CADM1: variants seen among roughly 807,000 people sequenced by gnomAD.
The protein encoded by CADM1 is TSLC-1.
CADM1 carries 15 observed loss-of-function variants against 53.1 expected under a neutral mutation model. The observed-to-expected ratio is 0.28, with a 90% confidence interval of 0.19 to 0.44. The LOEUF is 0.44. CADM1 is among the 20% of genes least tolerant of loss of function. The pLI is 1.00. For synonymous variants in CADM1, 281 were observed against 243.0 expected, an observed-to-expected ratio of 1.16 and a Z score of -1.45; for missense variants, 434 against 611.3, an observed-to-expected ratio of 0.71 and a Z score of 3.06.
At chr11:115,398,381 C>T (rs1317633491) in intron 1 of CADM1, among the ~76,000 whole-genome samples, 1 of 152,188 alleles carries the variant, frequency 6.6e-6, no homozygotes, top group Non-Finnish European at 1.5e-5. Flanking sequence ...CCTTATGCCA[C>T]TGGATTAGAG....
intron 3 of CADM1, among the ~76,000 whole-genome samples, chr11:115,236,753 A>T (rs971056964): frequency 6.6e-6 from 1 of 152,168 alleles, no homozygotes; most frequent in African/African-American, 2.4e-5. Flanking sequence ...AAAAAAAAAA[A>T]TTTAAAACAA....
chr11:115,421,065 T>A (rs1176927122), intron 1 of CADM1, among the ~76,000 whole-genome samples: 1 of 152,198 alleles, frequency 6.6e-6, no homozygotes, highest in East Asian at 1.9e-4. Flanking sequence ...AAAATTTAAC[T>A]TAATGTTAAA....
intron 1 of CADM1, among the ~76,000 whole-genome samples, chr11:115,435,451 G>C (rs1292822778): frequency 6.6e-6 from 1 of 152,030 alleles, no homozygotes; most frequent in Admixed American, 6.6e-5. Flanking sequence ...GTTGTATTGG[G>C]GCTGGGCGTG....
intron 1 of CADM1, among the ~76,000 whole-genome samples, chr11:115,310,721 A>C (rs1482533014): frequency 2.0e-5 from 3 of 152,182 alleles, no homozygotes; most frequent in Non-Finnish European, 4.4e-5. Flanking sequence ...TATCTGATAC[A>C]TGGCCTCCAG....
chr11:115,312,867 T>C (rs1318701069), intron 1 of CADM1, among the ~76,000 whole-genome samples: 2 of 152,148 alleles, frequency 1.3e-5, no homozygotes, highest in East Asian at 1.9e-4. Context: ...TGTCCAAAGA[T>C]TTTGATATAT....
chr11:115,324,412 G>A (rs923162147), intron 1 of CADM1, among the ~76,000 whole-genome samples: 1 of 152,100 alleles, frequency 6.6e-6, no homozygotes, highest in Non-Finnish European at 1.5e-5. Context: ...AACAAAAGAA[G>A]GCAAAATTGT....
intron 1 of CADM1, among the ~76,000 whole-genome samples, chr11:115,452,155 GTGGGGTGGGGGGGTGGGGGGGC>G (rs1948588203): frequency 2.8e-4 from 1 of 3,544 alleles, no homozygotes; most frequent in African/African-American, 2.4e-3. Flanking sequence ...GGGTGGGGTG[GTGGGGTGGGGGGGTGGGGGGGC>G]TGGGAATCAT....
At chr11:115,187,906 TAGG>T (rs1162727429) in intron 10 of CADM1, among the ~76,000 whole-genome samples, 1 of 152,218 alleles carries the variant, frequency 6.6e-6, no homozygotes, top group East Asian at 1.9e-4. Flanking sequence ...GGACATGTTG[TAGG>T]AGTTTTCCAG....
intron 9 of CADM1, among the ~76,000 whole-genome samples, chr11:115,196,595 TAAAAAAAAAA>T (rs61694033): frequency 1.3e-5 from 1 of 76,892 alleles, no homozygotes; most frequent in Non-Finnish European, 2.3e-5. Context: ...GCTGATGAAC[TAAAAAAAAAA>T]AAAAAAAAAA....
intron 8 of CADM1, among the ~76,000 whole-genome samples, chr11:115,206,302 G>T (rs914838760): frequency 6.6e-6 from 1 of 152,168 alleles, no homozygotes; most frequent in Non-Finnish European, 1.5e-5. Context: ...TTTCTCCCTA[G>T]ATAAGGCCAC....
At chr11:115,362,670 G>C (rs982050755) in intron 1 of CADM1, among the ~76,000 whole-genome samples, 2 of 152,086 alleles carry the variant, frequency 1.3e-5, no homozygotes, top group African/African-American at 4.8e-5. Flanking sequence ...GGCAGAGACA[G>C]ATGGCCTAAG....
chr11:115,234,166 T>A (rs1941928217), intron 3 of CADM1, among the ~76,000 whole-genome samples: 1 of 152,200 alleles, frequency 6.6e-6, no homozygotes, highest in African/African-American at 2.4e-5. Flanking sequence ...AAACCCCTTG[T>A]CTCTGTTTAC....
chr11:115,299,556 G>A (rs1178190782), intron 1 of CADM1, among the ~76,000 whole-genome samples: 5 of 152,110 alleles, frequency 3.3e-5, no homozygotes, highest in Non-Finnish European at 1.5e-5. Context: ...TGTTTAAAAG[G>A]TATGTCCTGT....
chr11:115,218,208 T>C, intron 5 of CADM1: 1 of 548,808 alleles, frequency 1.8e-6, no homozygotes, highest in Non-Finnish European at 3.3e-6. Context: ...AAGAGATTCA[T>C]AAGCCAACTG....
chr11:115,383,015 C>T (rs1159618245), intron 1 of CADM1, among the ~76,000 whole-genome samples: 1 of 152,224 alleles, frequency 6.6e-6, no homozygotes. Flanking sequence ...GCTAGCCCTT[C>T]TTAAAACTCT....
At chr11:115,314,906 T>C (rs565615533) in intron 1 of CADM1, among the ~76,000 whole-genome samples, 1 of 152,198 alleles carries the variant, frequency 6.6e-6, no homozygotes, top group Non-Finnish European at 1.5e-5. Context: ...GAACAAATGG[T>C]CACTTTCAGC....
intron 1 of CADM1, among the ~76,000 whole-genome samples, chr11:115,271,774 C>G (rs2135049432): frequency 6.6e-6 from 1 of 152,298 alleles, no homozygotes; most frequent in African/African-American, 2.4e-5. Flanking sequence ...TTCACTGGTA[C>G]TATTCTTGGC....
At chr11:115,296,792 G>A (rs1299242451) in intron 1 of CADM1, among the ~76,000 whole-genome samples, 2 of 152,080 alleles carry the variant, frequency 1.3e-5, no homozygotes, top group African/African-American at 4.8e-5. Flanking sequence ...TTTTCTTATA[G>A]AAATCAATGT....
rs767544816 is a variant in CADM1, at chr11:115,240,306, T to C, written c.239A>G (p.Asn80Ser). Residue 80 changes from asparagine to serine, a missense_variant, in exon 2 of 12, where the codon AAC becomes AGC. By Grantham distance (46) the Asn-to-Ser change is conservative (BLOSUM62 1). Transcript: ENST00000331581. ...DDSVIQLLNP[N>S]RQTIYFRDFR... Reference sequence around the variant, plus strand: ...GTCCCTGAAATAAATGGTCTGCCTGTTGGGATTCAGTAGCTGAATCACAGA... The same window carrying C: ...GTCCCTGAAATAAATGGTCTGCCTGCTGGGATTCAGTAGCTGAATCACAGA... 6.1e-5 allele frequency: 99 copies of C among 1,613,860 alleles called. No homozygotes were observed. In the South Asian group the frequency reaches 1.0e-3, roughly 16 times the overall value.
Sources: gnomAD v4.1 joint callset for allele counts (sites outside exome capture counted in the v4.1 genomes callset) on GRCh38, gnomAD v4.1.1 for gene constraint, MANE v1.5 for transcripts, NCBI Gene and HGNC (gene_info 2026-07-23, HGNC 2026-07-21) for gene names.